TPH2: variants seen among roughly 807,000 people sequenced by gnomAD.
The protein encoded by TPH2 is tryptophan 5-hydroxylase 2.
A neutral mutation model predicts 59.1 loss-of-function variants in TPH2; 27 were observed. The ratio of observed to expected loss-of-function variants is 0.46; its 90% CI spans 0.34 to 0.63. The LOEUF (loss-of-function observed/expected upper bound fraction) is 0.63, where lower values mean the gene tolerates loss of function less well. Ranked by LOEUF, TPH2 falls within the 30% of genes least tolerant of loss-of-function variation. The pLI, the probability that TPH2 is intolerant of heterozygous loss-of-function variation, is 0.01. For synonymous variants in TPH2, 220 were observed against 210.5 expected (o/e 1.05, Z -0.39); for missense variants, 523 against 588.3 (o/e 0.89, Z 1.15).
At chr12:71,949,967 C>T (rs1328356076) in intron 5 of TPH2, among the ~76,000 whole-genome samples, 2 of 152,040 alleles carry the variant, frequency 1.3e-5, no homozygotes, top group African/African-American at 4.8e-5. Context: ...TTTAATTTTA[C>T]TTTAGCCTTG....
intron 9 of TPH2, among the ~76,000 whole-genome samples, chr12:72,029,040 A>G (rs567463866): frequency 4.5e-4 from 68 of 152,230 alleles, no homozygotes; most frequent in African/African-American, 1.5e-3. Flanking sequence ...ACAAAATGAT[A>G]TTTTTTCCAA....
chr12:72,015,127 TAGGGTAGGTG>T (rs1873205830), intron 8 of TPH2, among the ~76,000 whole-genome samples: 1 of 152,036 alleles, frequency 6.6e-6, no homozygotes, highest in African/African-American at 2.4e-5. Flanking sequence ...CTCTAGTAGC[TAGGGTAGGTG>T]GTAAAGGGGT....
At chr12:71,996,716 G>C (rs534663443) in intron 8 of TPH2, among the ~76,000 whole-genome samples, 1 of 152,288 alleles carries the variant, frequency 6.6e-6, no homozygotes, top group East Asian at 1.9e-4. Context: ...CTAAATAGAG[G>C]AGAAGAAGAA....
intron 9 of TPH2, among the ~76,000 whole-genome samples, chr12:72,030,250 A>C (rs987670344): frequency 4.6e-5 from 7 of 152,170 alleles, no homozygotes; most frequent in Admixed American, 2.6e-4. Context: ...CTCAATATAT[A>C]GTTCACAACC....
At chr12:71,962,629 T>A (rs1194473645) in intron 5 of TPH2, 1 of 985,362 alleles carries the variant, frequency 1.0e-6, no homozygotes. Flanking sequence ...CCAGACTCTC[T>A]GAGGCATAAC....
At chr12:71,971,152 T>C (rs1871961653) in intron 5 of TPH2, among the ~76,000 whole-genome samples, 1 of 152,208 alleles carries the variant, frequency 6.6e-6, no homozygotes, top group African/African-American at 2.4e-5. Context: ...CCTAGCTCAT[T>C]GAAGATGCCC....
intron 1 of TPH2, among the ~76,000 whole-genome samples, chr12:71,940,731 G>T (rs1871034593): frequency 6.6e-6 from 1 of 152,096 alleles, no homozygotes; most frequent in African/African-American, 2.4e-5. Context: ...CTGGCAATGT[G>T]ACCTGAGTTA....
intron 9 of TPH2, among the ~76,000 whole-genome samples, chr12:72,023,221 C>G (rs980749544): frequency 3.3e-5 from 5 of 152,152 alleles, no homozygotes; most frequent in Non-Finnish European, 5.9e-5. Flanking sequence ...GATACACAAT[C>G]TAGAATAGTA....
rs1408426105 is a variant in TPH2 at position 71,987,977 on chromosome 12, TAAATA to T, written c.942-6458_942-6454del. On this transcript the variant is annotated intron_variant, in intron 7 of 10. Transcript: ENST00000333850. ...GTTATCTACATTTATTAATTAAAATTAAATAAAAGTACACATTTGGTTCTTCAGTA... is the reference window on the plus strand; with the variant it reads ...GTTATCTACATTTATTAATTAAAATTAAAGTACACATTTGGTTCTTCAGTA... Among the ~76,000 whole-genome samples the T allele has an allele frequency of 3.3e-5, 5 of 152,314 alleles. No homozygotes were observed. The East Asian group carries it at 9.6e-4, about 29-fold the overall frequency.
intron 9 of TPH2, among the ~76,000 whole-genome samples, 186 bp from the exon 10 acceptor site, chr12:72,031,072 C>T (rs1176236553): frequency 6.6e-6 from 1 of 152,104 alleles, no homozygotes; most frequent in Non-Finnish European, 1.5e-5. Context: ...AACAAACAAA[C>T]AACCAAACAA....
intron 6 of TPH2, 91 bp from the exon 7 acceptor site, chr12:71,978,861 G>C: frequency 6.5e-7 from 1 of 1,529,462 alleles, no homozygotes; most frequent in South Asian, 1.1e-5. Context: ...CTTTGTTTCT[G>C]GATCTTCCTT....
At position 71,938,997 on chromosome 12, in the gene TPH2, C is replaced by T. The variant is rs1335229408; in HGVS notation, c.11C>T (p.Ala4Val). The change falls in exon 1 of 11, where the codon GCA becomes GTA. Residue 4 changes from alanine to valine, a missense_variant. By Grantham distance (64) the Ala-to-Val change is moderately conservative. Coordinates refer to ENST00000333850, the MANE Select transcript of TPH2 (RefSeq NM_173353.4). Reference protein sequence around the residue: MQPAMMMFSSKYWA... With the variant: MQPVMMMFSSKYWA... ...ATTACACCGGGATCCATGCAGCCAG[C>T]AATGATGATGTTTTCCAGTAAATAC... 6.2e-7 allele frequency: 1 copy of T among 1,613,938 alleles called. No homozygotes were observed.
chr12:72,024,329 A>G (rs1441596356), intron 9 of TPH2, among the ~76,000 whole-genome samples: 1 of 152,250 alleles, frequency 6.6e-6, no homozygotes, highest in Non-Finnish European at 1.5e-5. Flanking sequence ...TGGACCCTCA[A>G]GATTCTAGCT....
At chr12:71,962,534 G>A (rs7299582) in intron 5 of TPH2, 830,708 of 984,478 alleles carry the variant, frequency 0.84, 350,767 homozygotes, top group East Asian at 0.95. Flanking sequence ...AATAATTGGA[G>A]GCTACCAGAA....
chr12:71,985,402 C>CT (rs550597288), intron 7 of TPH2, among the ~76,000 whole-genome samples: 180 of 152,068 alleles, frequency 1.2e-3, no homozygotes, highest in Non-Finnish European at 2.0e-3. Context: ...AGGCTACTTT[C>CT]TTTTTTTATT....
intron 5 of TPH2, 36 bp from the exon 6 acceptor site, chr12:71,972,483 A>G: frequency 6.2e-7 from 1 of 1,604,610 alleles, no homozygotes; most frequent in South Asian, 1.1e-5. Flanking sequence ...CAGTGATTCA[A>G]AGTTAGATTC....
intron 8 of TPH2, among the ~76,000 whole-genome samples, chr12:72,004,361 T>A (rs1872898229): frequency 6.6e-6 from 1 of 150,502 alleles, no homozygotes; most frequent in Non-Finnish European, 1.5e-5. Flanking sequence ...GATGTACATA[T>A]GACATTATCT....
At chr12:71,966,567 A>T (rs1359792840) in intron 5 of TPH2, among the ~76,000 whole-genome samples, 1 of 152,240 alleles carries the variant, frequency 6.6e-6, no homozygotes, top group Non-Finnish European at 1.5e-5. Flanking sequence ...TGAATAAGTG[A>T]GGCATCTCCT....
intron 7 of TPH2, among the ~76,000 whole-genome samples, chr12:71,987,533 T>A (rs1459395491): frequency 6.6e-6 from 1 of 152,324 alleles, no homozygotes; most frequent in Non-Finnish European, 1.5e-5. Flanking sequence ...TTTCAATGCA[T>A]TCTCTTACTA....
Sources: allele counts gnomAD v4.1 joint callset (sites outside exome capture counted in the v4.1 genomes callset), GRCh38; gene constraint gnomAD v4.1.1; transcripts MANE v1.5; gene names NCBI Gene and HGNC (gene_info 2026-07-23, HGNC 2026-07-21).